Variants in STAT5B observed in about 807,000 individuals in gnomAD.
STAT5B encodes the protein transcription factor STAT5B.
Under a neutral mutation model 107.8 loss-of-function variants are expected in STAT5B, and 21 were observed. The ratio of observed to expected loss-of-function variants is 0.19; its 90% confidence interval spans 0.14 to 0.28. STAT5B has a LOEUF of 0.28. STAT5B is among the 10% of genes least tolerant of loss of function. The probability of loss-of-function intolerance (pLI) is 1.00; values close to 1 mark genes in which losing one functional copy is unlikely to be tolerated. For synonymous variants in STAT5B, 325 were observed against 401.7 expected, an observed-to-expected ratio of 0.81 and a Z score of 2.28; for missense variants, 565 against 1,008.2, an observed-to-expected ratio of 0.56 and a Z score of 5.95.
chr17:42,256,070 T>C (rs1176792346), intron 1 of STAT5B, among the ~76,000 whole-genome samples: 1 of 152,144 alleles, frequency 6.6e-6, no homozygotes. Flanking sequence ...AGAAACTCCA[T>C]CTCAAAATAA....
chr17:42,284,893 T>A, the STAT5B span, among the ~76,000 whole-genome samples: 1 of 152,168 alleles, frequency 6.6e-6, no homozygotes, highest in Non-Finnish European at 1.5e-5. Context: ...AAGGGTGTGA[T>A]TCTGGCCCTG....
At chr17:42,265,297 C>T (rs2080658287) in intron 1 of STAT5B, among the ~76,000 whole-genome samples, 1 of 151,598 alleles carries the variant, frequency 6.6e-6, no homozygotes, top group African/African-American at 2.4e-5. Context: ...CCTATTTGTA[C>T]AAATCTTTAA....
At chr17:42,233,214 T>G (rs777771971) in intron 1 of STAT5B, among the ~76,000 whole-genome samples, 3 of 152,150 alleles carry the variant, frequency 2.0e-5, no homozygotes, top group Non-Finnish European at 4.4e-5. Flanking sequence ...TATGCCATTT[T>G]GAAAAAGCCC....
intron 2 of STAT5B, among the ~76,000 whole-genome samples, chr17:42,230,152 CACTT>C (rs1005517796): frequency 1.3e-5 from 2 of 152,128 alleles, no homozygotes; most frequent in Non-Finnish European, 2.9e-5. Context: ...TTTTTTCCCT[CACTT>C]AATTACATGA....
Position 42,207,482 on chromosome 17 carries a change from G to GGTAT in STAT5B, c.2077+72_2077+75dup, listed in dbSNP as rs1415948410. 135 of 1,458,396 alleles carry GGTAT rather than the reference G, an allele frequency of 9.3e-5. No homozygotes were observed. The African/African-American group carries it at 2.1e-3, about 23-fold the overall frequency. 90.3% of individuals were successfully genotyped at this position (1,458,396 alleles called of 1,614,324 possible). A position where few individuals can be genotyped will look rare whatever the true frequency, so the allele number is the denominator to read the frequency against. On this transcript the variant is annotated intron_variant, in intron 16 of 18. Transcript: ENST00000293328. ...TCACACAAGAGAGATAACACACGCA[G>GGTAT]GTATGCACACACACACACACACACA... is the stretch of plus-strand genomic sequence containing the variant.
intron 1 of STAT5B, among the ~76,000 whole-genome samples, chr17:42,255,265 G>A (rs1305693923): frequency 6.6e-6 from 1 of 152,166 alleles, no homozygotes; most frequent in Non-Finnish European, 1.5e-5. Flanking sequence ...TTTGTTTTAT[G>A]AAACATGGAG....
At chr17:42,232,211 A>T in intron 1 of STAT5B, 74 bp from the exon 2 acceptor site, 1 of 1,477,390 alleles carries the variant, frequency 6.8e-7, no homozygotes, top group Non-Finnish European at 9.1e-7. Flanking sequence ...GTAAATATTC[A>T]CTTAGTTACC....
intron 16 of STAT5B, among the ~76,000 whole-genome samples, chr17:42,204,458 G>A (rs920106417): frequency 4.6e-5 from 7 of 152,216 alleles, no homozygotes; most frequent in African/African-American, 1.4e-4. Context: ...AGGGTGAAAC[G>A]CTGCAGGGTT....
chr17:42,265,574 A>T (rs1027372570), intron 1 of STAT5B, among the ~76,000 whole-genome samples: 3 of 151,562 alleles, frequency 2.0e-5, no homozygotes, highest in Non-Finnish European at 4.4e-5. Flanking sequence ...GATGGTCTTG[A>T]ACTCCTGACC....
intron 3 of STAT5B, among the ~76,000 whole-genome samples, chr17:42,226,953 C>T (rs1415869205): frequency 6.7e-6 from 1 of 148,236 alleles, no homozygotes; most frequent in African/African-American, 2.5e-5. Context: ...GGCAAAACCC[C>T]GTCTCCACTA....
At chr17:42,203,932 C>T (rs1020814700) in intron 16 of STAT5B, among the ~76,000 whole-genome samples, 4 of 151,818 alleles carry the variant, frequency 2.6e-5, no homozygotes, top group Admixed American at 2.0e-4. Flanking sequence ...TGGCCATCAC[C>T]GGAGGTTTTC....
At chr17:42,252,098 G>T (rs2080505311) in intron 1 of STAT5B, among the ~76,000 whole-genome samples, 1 of 152,108 alleles carries the variant, frequency 6.6e-6, no homozygotes. Context: ...GATCATCTGG[G>T]TTCTCCAAGC....
chr17:42,266,200 G>A (rs2080669851), intron 1 of STAT5B, among the ~76,000 whole-genome samples: 1 of 151,750 alleles, frequency 6.6e-6, no homozygotes, highest in African/African-American at 2.4e-5. Context: ...GTTAAGTTCT[G>A]TGCAAACTAG....
chr17:42,281,774 C>T, the STAT5B span, among the ~76,000 whole-genome samples: 1 of 152,322 alleles, frequency 6.6e-6, no homozygotes, highest in Non-Finnish European at 1.5e-5. Flanking sequence ...TCTGGAAAGG[C>T]CAAGGATCCC....
chr17:42,215,855 C>G (rs1258313165), intron 12 of STAT5B, among the ~76,000 whole-genome samples, 159 bp downstream of exon 12: 1 of 152,218 alleles, frequency 6.6e-6, no homozygotes, highest in African/African-American at 2.4e-5. Flanking sequence ...CTCCTGACCT[C>G]AGGTGATCCA....
At chr17:42,239,946 C>T (rs777539983) in intron 1 of STAT5B, among the ~76,000 whole-genome samples, 9 of 151,944 alleles carry the variant, frequency 5.9e-5, no homozygotes, top group Admixed American at 2.0e-4. Context: ...GCCAACATGG[C>T]GAAACCCCAT....
intron 2 of STAT5B, among the ~76,000 whole-genome samples, chr17:42,231,328 G>A (rs2080315868): frequency 6.6e-6 from 1 of 151,920 alleles, no homozygotes; most frequent in Non-Finnish European, 1.5e-5. Flanking sequence ...ATCTGGAGAT[G>A]AGGGCTTTAA....
rs201981865 is a variant in STAT5B at position 42,223,571 on chromosome 17, G to A, written c.376-15C>T. Reference sequence around the variant, plus strand: ...GGAGAGCTACCCTGGGAACATATGGGGGGCAGTGCAAGGCAGTGCGAATGG... The same window carrying A: ...GGAGAGCTACCCTGGGAACATATGGAGGGCAGTGCAAGGCAGTGCGAATGG... On this transcript the variant is annotated splice_polypyrimidine_tract_variant and intron_variant, in intron 4 of 18. Transcript: ENST00000293328. 6.2e-7 allele frequency: 1 copy of A among 1,614,056 alleles called. No individual in the cohort carries two copies. The highest frequency in any genetic ancestry group is 1.7e-5 in the Admixed American group (1 of 59,996).
chr17:42,224,992 C>A (rs1188115359), intron 3 of STAT5B, 124 bp from the exon 4 acceptor site: 3 of 864,466 alleles, frequency 3.5e-6, no homozygotes, highest in Non-Finnish European at 5.8e-6. Flanking sequence ...TCCTCCAATA[C>A]CAACAGGAAC....
Sources: gnomAD v4.1 joint callset for allele counts (sites outside exome capture counted in the v4.1 genomes callset) on GRCh38, gnomAD v4.1.1 for gene constraint, MANE v1.5 for transcripts, NCBI Gene and HGNC (gene_info 2026-07-23, HGNC 2026-07-21) for gene names.